The following MACROD2 variants were observed in gnomAD, a reference collection of about 807,000 sequenced individuals.
MACROD2 encodes the protein ADP-ribose glycohydrolase MACROD2.
In MACROD2, 36 loss-of-function variants were observed where a neutral mutation model predicts 70.4. That is an observed-to-expected ratio of 0.51 (90% CI 0.39 to 0.68). MACROD2 has a LOEUF of 0.68. MACROD2 is among the 30% of genes least tolerant of loss of function. MACROD2 has a pLI of 0.00. For synonymous variants in MACROD2, 172 were observed against 178.8 expected (o/e 0.96, Z 0.30); for missense variants, 496 against 538.4 (o/e 0.92, Z 0.78).
At chr20:15,337,710 A>G (rs912162265) in intron 6 of MACROD2, among the ~76,000 whole-genome samples, 14 of 151,764 alleles carry the variant, frequency 9.2e-5, no homozygotes, top group African/African-American at 3.2e-4. Flanking sequence ...GTCAAAAAAA[A>G]AGAGAACAGT....
At chr20:15,383,925 C>T (rs1272639867) in intron 6 of MACROD2, among the ~76,000 whole-genome samples, 2 of 152,030 alleles carry the variant, frequency 1.3e-5, no homozygotes, top group Non-Finnish European at 1.5e-5. Context: ...CATTAATTAA[C>T]TCAGGGAGCA....
intron 6 of MACROD2, among the ~76,000 whole-genome samples, chr20:15,375,205 A>G (rs1325096284): frequency 6.6e-6 from 1 of 152,214 alleles, no homozygotes; most frequent in Admixed American, 6.5e-5. Context: ...ATTTTAAAGT[A>G]ATTGGTCTAC....
intron 3 of MACROD2, among the ~76,000 whole-genome samples, chr20:14,475,219 G>C (rs2084577314): frequency 6.6e-6 from 1 of 151,964 alleles, no homozygotes; most frequent in African/African-American, 2.4e-5. Flanking sequence ...ACCTTAAAAA[G>C]AAAAGAATCA....
intron 9 of MACROD2, among the ~76,000 whole-genome samples, chr20:15,884,988 G>T (rs1360938150): frequency 6.6e-6 from 1 of 151,990 alleles, no homozygotes; most frequent in Non-Finnish European, 1.5e-5. Flanking sequence ...CCTTTCTTAT[G>T]ATCTAATCAA....
chr20:15,788,439 G>A (rs774580721), intron 8 of MACROD2, among the ~76,000 whole-genome samples: 5 of 151,988 alleles, frequency 3.3e-5, no homozygotes, highest in Admixed American at 6.6e-5. Flanking sequence ...TTTAACATGT[G>A]ATTTAAAATA....
chr20:15,176,295 G>A (rs1212228685), intron 5 of MACROD2, among the ~76,000 whole-genome samples: 1 of 152,178 alleles, frequency 6.6e-6, no homozygotes, highest in East Asian at 1.9e-4. Flanking sequence ...TGGACAAAAA[G>A]GGGCAGGTCC....
At position 14,493,467 on chromosome 20, in the gene MACROD2, T is replaced by C; in HGVS notation, c.272-12T>C. ...TTATTTAATGTCTTTTGTTGTGTTT[T>C]GTTTTAAACAGCAAATGCCAGTCTT... is the stretch of plus-strand genomic sequence containing the variant. On this transcript the variant is annotated splice_polypyrimidine_tract_variant and intron_variant, in intron 3 of 17. Coordinates refer to ENST00000684519, the MANE Select transcript of MACROD2 (RefSeq NM_001351661.2). 1 of 1,606,244 alleles carries C rather than the reference T, an allele frequency of 6.2e-7. No individual in the cohort carries two copies. The highest frequency in any genetic ancestry group is 8.5e-7 in the Non-Finnish European group (1 of 1,174,382).
intron 7 of MACROD2, among the ~76,000 whole-genome samples, chr20:15,447,917 T>G (rs17678835): frequency 0.13 from 20,261 of 152,070 alleles, 1,542 homozygotes; most frequent in South Asian, 0.28. Flanking sequence ...GGTTCAGGCC[T>G]GTGTAAAGCC....
At chr20:14,634,702 G>C (rs1468968806) in intron 4 of MACROD2, among the ~76,000 whole-genome samples, 1 of 152,134 alleles carries the variant, frequency 6.6e-6, no homozygotes, top group Non-Finnish European at 1.5e-5. Flanking sequence ...AAGACCTCTG[G>C]TTTTCAATGC....
At chr20:15,127,627 C>G (rs1337222406) in intron 5 of MACROD2, among the ~76,000 whole-genome samples, 2 of 152,038 alleles carry the variant, frequency 1.3e-5, no homozygotes, top group Non-Finnish European at 2.9e-5. Context: ...CCTTATGGTC[C>G]TCTAAGTGAG....
At chr20:15,484,881 A>T (rs75638349) in intron 7 of MACROD2, among the ~76,000 whole-genome samples, 7,498 of 152,228 alleles carry the variant, frequency 0.049, 280 homozygotes, top group Non-Finnish European at 0.07. Flanking sequence ...GCTTCTGCTA[A>T]GGGATTTCTG....
intron 4 of MACROD2, among the ~76,000 whole-genome samples, chr20:14,682,825 A>G (rs1443383194): frequency 6.6e-6 from 1 of 152,238 alleles, no homozygotes; most frequent in East Asian, 1.9e-4. Context: ...GCTAATTGAA[A>G]GAATTTTAAC....
intron 6 of MACROD2, among the ~76,000 whole-genome samples, chr20:15,277,854 G>T (rs1398266761): frequency 6.6e-6 from 1 of 152,088 alleles, no homozygotes; most frequent in Non-Finnish European, 1.5e-5. Flanking sequence ...GAGGTGAGTC[G>T]CAGACTCATT....
intron 4 of MACROD2, among the ~76,000 whole-genome samples, chr20:14,594,535 A>AT (rs1304575426): frequency 1.3e-5 from 2 of 152,124 alleles, no homozygotes; most frequent in Admixed American, 1.3e-4. Flanking sequence ...AATATAACAT[A>AT]TTTTTTCATC....
chr20:15,564,730 G>A (rs2048288883), intron 8 of MACROD2, among the ~76,000 whole-genome samples: 1 of 152,080 alleles, frequency 6.6e-6, no homozygotes, highest in African/African-American at 2.4e-5. Context: ...GAGAAGGCTG[G>A]TAATATGTTT....
At chr20:15,546,328 A>C (rs2048025929) in intron 8 of MACROD2, among the ~76,000 whole-genome samples, 1 of 152,178 alleles carries the variant, frequency 6.6e-6, no homozygotes, top group Non-Finnish European at 1.5e-5. Flanking sequence ...AATGACTGTA[A>C]ATGGATTTTC....
At chr20:15,379,342 A>AT (rs58590228) in intron 6 of MACROD2, among the ~76,000 whole-genome samples, 8,514 of 152,202 alleles carry the variant, frequency 0.056, 787 homozygotes, top group African/African-American at 0.19. Flanking sequence ...GTATTCCATC[A>AT]TTTTTGGTCT....
chr20:15,849,072 G>A (rs2064267361), intron 8 of MACROD2, among the ~76,000 whole-genome samples: 1 of 152,156 alleles, frequency 6.6e-6, no homozygotes, highest in African/African-American at 2.4e-5. Context: ...AGAGGCTAGG[G>A]TGGCTAATAG....
At position 14,768,146 on chromosome 20, in the gene MACROD2, A is replaced by G. The variant is rs957593687; in HGVS notation, c.418+83187A>G. Among the ~76,000 whole-genome samples, 4 of 152,082 alleles carry G rather than the reference A, an allele frequency of 2.6e-5. 1 individual carries two copies. Among genetic ancestry groups the G allele is most frequent in the African/African-American group, 9.7e-5 (4 of 41,352 alleles). ...CAGCATGATTTATAATCCTTTGTGT[A>G]TATACCCAGTAATGGGATGGCTGGG... On this transcript the variant is annotated intron_variant, in intron 5 of 17. Coordinates refer to ENST00000684519, the MANE Select transcript of MACROD2 (RefSeq NM_001351661.2).
Sources: gnomAD v4.1 joint callset for allele counts (sites outside exome capture counted in the v4.1 genomes callset) on GRCh38, gnomAD v4.1.1 for gene constraint, MANE v1.5 for transcripts, NCBI Gene and HGNC (gene_info 2026-07-23, HGNC 2026-07-21) for gene names.